SLIT1: variants seen among roughly 807,000 people sequenced by gnomAD.
SLIT1 encodes the protein slit homolog 1 protein.
A neutral mutation model predicts 186.1 loss-of-function variants in SLIT1; 66 were observed. The ratio of observed to expected loss-of-function variants is 0.35; its 90% CI spans 0.29 to 0.44. The LOEUF (loss-of-function observed/expected upper bound fraction) is 0.44. SLIT1 is among the 20% of genes least tolerant of loss of function. The probability of loss-of-function intolerance (pLI) is 1.00; values close to 1 mark genes in which losing one functional copy is unlikely to be tolerated. For missense variants in SLIT1, 1,638 were observed against 2,037.4 expected, an observed-to-expected ratio of 0.80 and a Z score of 3.77; for synonymous variants, 761 against 833.8, an observed-to-expected ratio of 0.91 and a Z score of 1.50.
chr10:97,016,063 C>T (rs4600137), intron 28 of SLIT1, among the ~76,000 whole-genome samples: 1 of 152,166 alleles, frequency 6.6e-6, no homozygotes, highest in Non-Finnish European at 1.5e-5. Flanking sequence ...AATCCCAGCA[C>T]TTTGGGAGGC....
At chr10:97,046,887 G>A in intron 17 of SLIT1, 90 bp from the exon 18 acceptor site, 2 of 1,576,660 alleles carry the variant, frequency 1.3e-6, no homozygotes, top group Middle Eastern at 1.7e-4. Flanking sequence ...CCCACACACA[G>A]AGTCCTGGCC....
intron 23 of SLIT1, among the ~76,000 whole-genome samples, chr10:97,033,844 GT>G (rs1194697087): frequency 3.3e-5 from 5 of 151,500 alleles, no homozygotes; most frequent in Non-Finnish European, 7.4e-5. Context: ...AAGGGACAAG[GT>G]GCTAGCACTG....
chr10:97,120,545 T>C (rs1321112947), intron 4 of SLIT1, among the ~76,000 whole-genome samples: 1 of 152,208 alleles, frequency 6.6e-6, no homozygotes, highest in African/African-American at 2.4e-5. Context: ...CTCGCAATGC[T>C]GCTTCACACC....
At chr10:97,113,527 C>A (rs959664753) in intron 4 of SLIT1, among the ~76,000 whole-genome samples, 6 of 150,330 alleles carry the variant, frequency 4.0e-5, no homozygotes, top group African/African-American at 1.5e-4. Flanking sequence ...CATGAGCCAC[C>A]ATGCTCAGCC....
chr10:97,018,077 G>C (rs1848469503), intron 28 of SLIT1, among the ~76,000 whole-genome samples: 1 of 152,116 alleles, frequency 6.6e-6, no homozygotes, highest in African/African-American at 2.4e-5. Flanking sequence ...TCAAACTCCT[G>C]ACCTCGTGAT....
chr10:97,002,349 A>T lies in SLIT1; in HGVS notation c.4175T>A (p.Val1392Glu). The stretch of plus-strand genomic sequence containing the variant: ...GCTGTAGGAAAGAGCGTCGAGGGGC[A>T]CGCATTGCCCATGGACACACCTGGA... Reference protein sequence around the residue: ...HGHKCVHGQCVPLDALSYSCQ... With the variant: ...HGHKCVHGQCEPLDALSYSCQ... Residue 1392 changes from valine (V) to glutamate (E), a missense_variant, in exon 36 of 37, where the codon GTG becomes GAG. Physicochemically the swap from Val to Glu is moderately radical, Grantham distance 121 (BLOSUM62 -2). Transcript: ENST00000266058. 1 of 1,608,044 alleles carries T rather than the reference A, an allele frequency of 6.2e-7. No individual in the cohort carries two copies. The highest frequency in any genetic ancestry group is 8.5e-7 in the Non-Finnish European group (1 of 1,178,484).
chr10:97,048,042 C>T, intron 14 of SLIT1, 46 bp from the exon 15 acceptor site: 1 of 1,609,314 alleles, frequency 6.2e-7, no homozygotes, highest in Non-Finnish European at 8.5e-7. Context: ...TCAGCCAGGA[C>T]CTGCAGTAAC....
chr10:97,053,016 G>A (rs529906339), intron 13 of SLIT1, among the ~76,000 whole-genome samples: 2 of 152,202 alleles, frequency 1.3e-5, no homozygotes, highest in East Asian at 1.9e-4. Flanking sequence ...TGGTGATGGC[G>A]AAGAGATGCC....
rs1251958163 is a variant in SLIT1 at position 97,022,146 on chromosome 10, T to C, written c.2583-733A>G. ...CACCGAATCATCTCATCAGCCCCAC[T>C]GTGCAAGTTTTCTCCTCTCCATCTC... On this transcript the variant is annotated intron_variant, in intron 25 of 36. Transcript: ENST00000266058. The surrounding 1 kb of genome is among the most constrained non-coding windows in gnomAD (Gnocchi z 4.2). Among the ~76,000 whole-genome samples, 4 of 152,152 alleles carry C rather than the reference T, an allele frequency of 2.6e-5. No individual in the cohort carries two copies. The highest frequency in any genetic ancestry group is 5.9e-5 in the Non-Finnish European group (4 of 68,034).
intron 4 of SLIT1, among the ~76,000 whole-genome samples, chr10:97,085,436 G>T (rs1849149230): frequency 1.3e-5 from 2 of 151,456 alleles, no homozygotes; most frequent in Admixed American, 1.3e-4. Context: ...CACCCAGGCT[G>T]GAGGACAGTG....
chr10:97,081,464 A>G (rs1379669184), intron 4 of SLIT1, among the ~76,000 whole-genome samples: 1 of 152,134 alleles, frequency 6.6e-6, no homozygotes, highest in African/African-American at 2.4e-5. Flanking sequence ...AATGGGGTCC[A>G]CTTCTCTACC....
chr10:97,126,290 G>A (rs543112742), intron 4 of SLIT1, among the ~76,000 whole-genome samples: 4 of 152,362 alleles, frequency 2.6e-5, no homozygotes, highest in African/African-American at 7.2e-5. Context: ...CATGGGACAC[G>A]TGGGACATGG....
At chr10:97,163,681 T>C (rs1850063118) in intron 2 of SLIT1, among the ~76,000 whole-genome samples, 1 of 152,198 alleles carries the variant, frequency 6.6e-6, no homozygotes, top group Non-Finnish European at 1.5e-5. Context: ...TCCCAGCATC[T>C]TACCTCACCA....
At chr10:97,115,031 C>T (rs150485531) in intron 4 of SLIT1, among the ~76,000 whole-genome samples, 1 of 152,326 alleles carries the variant, frequency 6.6e-6, no homozygotes, top group African/African-American at 2.4e-5. Context: ...ACCATCAGTG[C>T]CTGGTGTCAG....
chr10:97,185,190 G>C lies in SLIT1; in HGVS notation c.197+288C>G, dbSNP rs551425778. Reference sequence around the variant, plus strand: ...CGCAGGCACCCTGGAGGAATAAAGCGCTGGCGCAGTGAGGAGGGCCTGAGG... The same window carrying C: ...CGCAGGCACCCTGGAGGAATAAAGCCCTGGCGCAGTGAGGAGGGCCTGAGG... On this transcript the variant is annotated intron_variant, in intron 1 of 36. Coordinates refer to ENST00000266058, the MANE Select transcript of SLIT1 (RefSeq NM_003061.3). 8.5e-5 allele frequency among the ~76,000 whole-genome samples: 13 copies of C among 152,378 alleles called. No individual in the cohort carries two copies. In the East Asian group the frequency reaches 2.3e-3, roughly 27 times the overall value.
rs139828471 is a variant in SLIT1, at chr10:97,047,796, C to T, written c.1528G>A (p.Asp510Asn). The T allele has an allele frequency of 1.8e-5, 29 of 1,613,958 alleles. No homozygotes were observed. The highest frequency in any genetic ancestry group is 4.0e-5 in the African/African-American group (3 of 74,920). ...DYQLNSECNSDVVCPHKCRCE... is the reference protein window; with the variant it reads ...DYQLNSECNSNVVCPHKCRCE... ...CGGCACTTGTGGGGACAGACCACGTCGCTGTTGCACTCGCTGTTCAGCTGG... is the reference window on the plus strand; with the variant it reads ...CGGCACTTGTGGGGACAGACCACGTTGCTGTTGCACTCGCTGTTCAGCTGG... Residue 510 changes from aspartate (D) to asparagine (N), a missense_variant, in exon 16 of 37, where the codon GAC (aspartate) becomes AAC (asparagine). By Grantham distance (23) the Asp-to-Asn change is conservative. Transcript: ENST00000266058.
intron 8 of SLIT1, among the ~76,000 whole-genome samples, chr10:97,062,295 C>T (rs998055391): frequency 1.3e-5 from 2 of 152,110 alleles, no homozygotes; most frequent in African/African-American, 2.4e-5. Context: ...TGGGTGTCTG[C>T]CAGTGCAATG....
chr10:97,065,140 AC>A (rs2134640813), intron 5 of SLIT1, among the ~76,000 whole-genome samples: 1 of 568 alleles, frequency 1.8e-3, no homozygotes, highest in Admixed American at 0.045. Flanking sequence ...ACCCCCCTAC[AC>A]ACACACACAC....
At chr10:97,040,733 G>A (rs568474251) in intron 20 of SLIT1, among the ~76,000 whole-genome samples, 15 of 152,274 alleles carry the variant, frequency 9.9e-5, no homozygotes, top group East Asian at 7.7e-4. Context: ...TCTGGCTGCC[G>A]CAAAATCCGA....
Sources: allele counts gnomAD v4.1 joint callset (sites outside exome capture counted in the v4.1 genomes callset), GRCh38; gene constraint gnomAD v4.1.1; non-coding constraint Gnocchi (gnomAD v3.1); transcripts MANE v1.5; gene names NCBI Gene and HGNC (gene_info 2026-07-23, HGNC 2026-07-21).